The following PCDH15 variants were observed in gnomAD, a reference collection of about 807,000 sequenced individuals.
PCDH15 encodes protocadherin-15.
In PCDH15, 129 loss-of-function variants were observed where a neutral mutation model predicts 178.5. That is an observed-to-expected ratio of 0.72 (90% CI 0.63 to 0.84). The LOEUF is 0.84. Ranked by LOEUF, PCDH15 falls within the 40% of genes least tolerant of loss-of-function variation. The pLI, the probability that PCDH15 is intolerant of heterozygous loss-of-function variation, is 0.00. For missense variants in PCDH15, 2,230 were observed against 2,099.9 expected (o/e 1.06, Z -1.21); for synonymous variants, 800 against 732.0 (o/e 1.09, Z -1.50).
chr10:54,611,762 C>T (rs2134252970), intron 2 of PCDH15, among the ~76,000 whole-genome samples: 1 of 151,994 alleles, frequency 6.6e-6, no homozygotes. Flanking sequence ...GCCTACTAAA[C>T]CAGCATCATC....
chr10:54,824,770 A>G (rs1953098551), intron 3 of PCDH15, among the ~76,000 whole-genome samples: 1 of 152,160 alleles, frequency 6.6e-6, no homozygotes, highest in South Asian at 2.1e-4. Flanking sequence ...GGAAATAGAC[A>G]GATGGAAATA....
chr10:53,961,044 A>G (rs1252819867), intron 22 of PCDH15, among the ~76,000 whole-genome samples: 1 of 152,162 alleles, frequency 6.6e-6, no homozygotes, highest in East Asian at 1.9e-4. Flanking sequence ...GTTCTGTTTC[A>G]TTAGTATTTG....
chr10:54,960,596 C>G (rs544474037), intron 2 of PCDH15, among the ~76,000 whole-genome samples: 10 of 152,248 alleles, frequency 6.6e-5, no homozygotes, highest in African/African-American at 2.2e-4. Flanking sequence ...TTAAGTAACA[C>G]CCAGTCCTTG....
At chr10:53,999,635 G>C (rs1201750515) in intron 20 of PCDH15, among the ~76,000 whole-genome samples, 2 of 152,098 alleles carry the variant, frequency 1.3e-5, no homozygotes, top group South Asian at 2.1e-4. Context: ...ACAGGGTAAG[G>C]CTCCTCTGCT....
intron 2 of PCDH15, among the ~76,000 whole-genome samples, chr10:54,965,194 T>G (rs533790649): frequency 6.6e-6 from 1 of 152,252 alleles, no homozygotes; most frequent in East Asian, 1.9e-4. Flanking sequence ...GGTAAGGTAG[T>G]ATAATTACCA....
chr10:54,143,748 T>C (rs2043620881), intron 14 of PCDH15, among the ~76,000 whole-genome samples: 1 of 152,198 alleles, frequency 6.6e-6, no homozygotes, highest in South Asian at 2.1e-4. Flanking sequence ...GCTTTAAGTA[T>C]ATTAAGTAGA....
chr10:55,342,931 C>T (rs1844644019), intron 2 of PCDH15, among the ~76,000 whole-genome samples: 1 of 152,074 alleles, frequency 6.6e-6, no homozygotes, highest in South Asian at 2.1e-4. Flanking sequence ...AGCCTGAGTC[C>T]TTGCAGTATG....
At chr10:54,092,647 C>A (rs1309109125) in intron 15 of PCDH15, among the ~76,000 whole-genome samples, 1 of 152,034 alleles carries the variant, frequency 6.6e-6, no homozygotes. Context: ...TAAGAATACA[C>A]TCAATAAAAT....
intron 2 of PCDH15, among the ~76,000 whole-genome samples, chr10:54,540,759 A>G (rs1162070128): frequency 6.6e-6 from 1 of 152,154 alleles, no homozygotes; most frequent in Admixed American, 6.5e-5. Flanking sequence ...AAAATCTTCA[A>G]CAAAATACTT....
chr10:55,406,241 G>A (rs1838195044), intron 2 of PCDH15, among the ~76,000 whole-genome samples: 1 of 151,934 alleles, frequency 6.6e-6, no homozygotes, highest in Admixed American at 6.6e-5. Flanking sequence ...AGAGTGAAAA[G>A]GGGACAGATA....
At chr10:54,804,062 T>G (rs1438079527), upstream of PCDH15, among the ~76,000 whole-genome samples, 3 of 152,054 alleles carry the variant, frequency 2.0e-5, no homozygotes, top group African/African-American at 7.2e-5. Context: ...TTTTTTGAGA[T>G]GGAGTCTTGC....
intron 6 of PCDH15, among the ~76,000 whole-genome samples, chr10:54,337,651 A>C (rs1941444664): frequency 6.6e-6 from 1 of 152,130 alleles, no homozygotes; most frequent in African/African-American, 2.4e-5. Context: ...TGCCATCCCT[A>C]CACTGGCCCT....
chr10:55,205,048 C>G (rs1460201053), intron 1 of PCDH15, among the ~76,000 whole-genome samples: 3 of 151,926 alleles, frequency 2.0e-5, no homozygotes. Context: ...AATAAACAGG[C>G]TCCTCAGATA....
intron 2 of PCDH15, among the ~76,000 whole-genome samples, chr10:55,379,326 G>C (rs551623753): frequency 6.6e-6 from 1 of 151,946 alleles, no homozygotes; most frequent in African/African-American, 2.4e-5. Context: ...AACAGTCCAG[G>C]AGTGTAGAAC....
At chr10:54,984,781 G>C (rs964535288) in intron 2 of PCDH15, among the ~76,000 whole-genome samples, 1 of 152,142 alleles carries the variant, frequency 6.6e-6, no homozygotes, top group African/African-American at 2.4e-5. Context: ...AGGCTGCAGT[G>C]ACCCACATTC....
At chr10:55,098,911 A>AGAGAGAGAGAGAGAGAGAGAGAGAGT (rs1564796841) in intron 2 of PCDH15, among the ~76,000 whole-genome samples, 2 of 141,400 alleles carry the variant, frequency 1.4e-5, no homozygotes, top group Non-Finnish European at 3.0e-5. Context: ...AGAGAGAGAG[A>AGAGAGAGAGAGAGAGAGAGAGAGAGT]GAGAGAGAGA....
intron 1 of PCDH15, among the ~76,000 whole-genome samples, chr10:54,727,511 A>G (rs1401511167): frequency 6.6e-6 from 1 of 151,240 alleles, no homozygotes; most frequent in Non-Finnish European, 1.5e-5. Flanking sequence ...TCACACTAAC[A>G]ACCTAACACC....
At chr10:55,563,852 C>A (rs1181617463) in intron 2 of PCDH15, among the ~76,000 whole-genome samples, 1 of 151,652 alleles carries the variant, frequency 6.6e-6, no homozygotes, top group Non-Finnish European at 1.5e-5. Context: ...ATAACCTATC[C>A]CCCAGAGAAT....
At chr10:55,148,147 T>C (rs1838584434) in intron 2 of PCDH15, among the ~76,000 whole-genome samples, 1 of 151,916 alleles carries the variant, frequency 6.6e-6, no homozygotes, top group African/African-American at 2.4e-5. Flanking sequence ...CACATAGTAC[T>C]GAAAATGCTA....
Sources: allele counts gnomAD v4.1 joint callset (sites outside exome capture counted in the v4.1 genomes callset), GRCh38; gene constraint gnomAD v4.1.1; transcripts MANE v1.5; gene names NCBI Gene and HGNC (gene_info 2026-07-23, HGNC 2026-07-21).